The following KLB variants were observed in gnomAD, a reference collection of about 807,000 sequenced individuals.
KLB encodes the protein beta-klotho.
A neutral mutation model predicts 88.4 loss-of-function variants in KLB; 44 were observed. The ratio of observed to expected loss-of-function variants is 0.50; its 90% CI spans 0.39 to 0.64. The LOEUF (loss-of-function observed/expected upper bound fraction) is 0.64. Among genes scored for constraint, KLB ranks in the 30% least tolerant of loss-of-function variants. The pLI is 0.00. For missense variants in KLB, 1,137 were observed against 1,304.8 expected (o/e 0.87, Z 1.98); for synonymous variants, 548 against 513.4 (o/e 1.07, Z -0.91).
rs865882476 is a variant in KLB, at chr4:39,446,565, C to T, written c.1839C>T (p.Ser613=). 2 of 1,614,194 alleles carry T rather than the reference C, an allele frequency of 1.2e-6. No homozygotes were observed. Among genetic ancestry groups the T allele is most frequent in the Middle Eastern group, 1.6e-4 (1 of 6,062 alleles). Residue 613 remains serine (S), a synonymous_variant, in exon 4 of 5, where the codon TCC becomes TCT. Coordinates refer to ENST00000257408, the MANE Select transcript of KLB (RefSeq NM_175737.4). This position sits in a 1 kb window ranked among gnomAD's most constrained non-coding sequence, Gnocchi z 6.4. ...CGGTCCTTCCCACTGGCAACCTGTCCGCGGTGAACCGACAGGCCCTGAGGT... is the reference window on the plus strand; with the variant it reads ...CGGTCCTTCCCACTGGCAACCTGTCTGCGGTGAACCGACAGGCCCTGAGGT... ...WASVLPTGNL[S]AVNRQALRYY... is the part of the protein sequence containing the mutation.
rs571896802 is a variant in KLB, at chr4:39,451,106, T to C, written c.*2420T>C. The C allele has an allele frequency of 1.3e-5, 2 of 152,320 alleles. No individual in the cohort carries two copies. The highest frequency in any genetic ancestry group is 1.9e-4 in the East Asian group (1 of 5,192). 9.4% of individuals were successfully genotyped at this position (152,320 alleles called of 1,614,324 possible). ...CCCAGTACTGAGAGTCCTCCTTCTCTGCCACTTGGGCATTATTTTACTAGT... is the reference window on the plus strand; with the variant it reads ...CCCAGTACTGAGAGTCCTCCTTCTCCGCCACTTGGGCATTATTTTACTAGT... On this transcript the variant is annotated 3_prime_UTR_variant, in exon 5 of 5. Transcript: ENST00000257408.
intron 1 of KLB, among the ~76,000 whole-genome samples, chr4:39,432,496 TAACTC>T (rs1470379813): frequency 6.6e-6 from 1 of 152,208 alleles, no homozygotes; most frequent in Admixed American, 6.5e-5. Flanking sequence ...CTGTGACTGT[TAACTC>T]AGCCATGGCT....
At chr4:39,445,573 C>T (rs1189399843) in intron 3 of KLB, among the ~76,000 whole-genome samples, 3 of 146,094 alleles carry the variant, frequency 2.1e-5, no homozygotes, top group Admixed American at 7.1e-5. Context: ...GGCATGATCT[C>T]GGCTCACTGC....
intron 1 of KLB, among the ~76,000 whole-genome samples, chr4:39,432,967 CT>C (rs148328171): frequency 0.16 from 24,629 of 151,728 alleles, 2,351 homozygotes; most frequent in Non-Finnish European, 0.22. Flanking sequence ...CAACCTCTGC[CT>C]TCCCGGGTTC....
Position 39,439,712 on chromosome 4 carries a change from G to T in KLB, c.1605+1717G>T, listed in dbSNP as rs557318899. On this transcript the variant is annotated intron_variant, in intron 3 of 4. Transcript: ENST00000257408. ...CTTTATTCTTGTTGCTCATCGCCCA[G>T]GCTGGAGTGCAATGGTGCAATCTTG... 4.6e-5 allele frequency among the ~76,000 whole-genome samples: 7 copies of T among 151,108 alleles called. No individual in the cohort carries two copies. The East Asian group carries it at 1.2e-3, about 25-fold the overall frequency.
chr4:39,443,520 G>A (rs951157756), intron 3 of KLB, among the ~76,000 whole-genome samples: 3 of 150,024 alleles, frequency 2.0e-5, no homozygotes, highest in African/African-American at 7.4e-5. Flanking sequence ...CGAGGCGGGC[G>A]TATCACTTGA....
intron 1 of KLB, among the ~76,000 whole-genome samples, chr4:39,409,872 C>T (rs1742802698): frequency 6.6e-6 from 1 of 151,834 alleles, no homozygotes; most frequent in African/African-American, 2.4e-5. Flanking sequence ...TACAGTGAGC[C>T]GAGATCACGC....
chr4:39,449,121 T>G lies in KLB; in HGVS notation c.*435T>G. The G allele has an allele frequency of 6.4e-6, 1 of 155,336 alleles. No individual in the cohort carries two copies. The highest frequency in any genetic ancestry group is 1.4e-5 in the Non-Finnish European group (1 of 70,136). The allele number at this position is 155,336 out of a possible 1,614,324, so 9.6% of individuals were successfully genotyped here. A position where few individuals can be genotyped will look rare whatever the true frequency, so the allele number is the denominator to read the frequency against. ...GGGGAGATCACCTGAGGTGAGGAGT[T>G]CGAGACCAGCCTGGCCAACATGGTG... On this transcript the variant is annotated 3_prime_UTR_variant, in exon 5 of 5. Coordinates refer to ENST00000257408, the MANE Select transcript of KLB (RefSeq NM_175737.4).
chr4:39,447,036 C>G lies in KLB; in HGVS notation c.2310C>G (p.Ala770=). The change falls in exon 4 of 5, where the codon GCC becomes GCG. Residue 770 remains alanine (A), a synonymous_variant. Transcript: ENST00000257408. ...AGCGCTTCCTGCAGTTCGAGATCGC[C>G]TGGTTCGCCGAGCCGCTCTTCAAGA... ...AAERFLQFEI[A]WFAEPLFKTG... 2 of 1,612,012 alleles carry G rather than the reference C, an allele frequency of 1.2e-6. No homozygotes were observed. Among genetic ancestry groups the G allele is most frequent in the Non-Finnish European group, 1.7e-6 (2 of 1,179,968 alleles).
chr4:39,414,940 T>G (rs1351706577), intron 1 of KLB, among the ~76,000 whole-genome samples: 1 of 151,766 alleles, frequency 6.6e-6, no homozygotes, highest in African/African-American at 2.4e-5. Context: ...CGTTTATCCA[T>G]TTTTGATGCT....
In KLB at chr4:39,437,742, A is replaced by G. The variant is rs368892974; in HGVS notation, c.1352A>G (p.Glu451Gly). 5.0e-6 allele frequency: 8 copies of G among 1,611,916 alleles called. No individual in the cohort carries two copies. Among genetic ancestry groups the G allele is most frequent in the South Asian group, 1.1e-5 (1 of 90,996 alleles). Reference protein sequence around the residue: ...SQVLQAIRLDEIRVFGYTAWS... With the variant: ...SQVLQAIRLDGIRVFGYTAWS... ...CTCTGTGCAGCAATAAGGTTAGATGAAATACGAGTGTTTGGTTATACTGCC... is the reference window on the plus strand; with the variant it reads ...CTCTGTGCAGCAATAAGGTTAGATGGAATACGAGTGTTTGGTTATACTGCC... The change falls in exon 3 of 5, where the codon GAA (glutamate) becomes GGA (glycine). Residue 451 changes from glutamate to glycine, a missense_variant. Coordinates refer to ENST00000257408, the MANE Select transcript of KLB (RefSeq NM_175737.4).
At position 39,447,351 on chromosome 4, in the gene KLB, G is replaced by A; in HGVS notation, c.2625G>A (p.Trp875Ter). The change falls in exon 4 of 5, where the codon TGG becomes TGA. Residue 875 changes from tryptophan (W) to a stop codon, truncating the protein, a stop_gained. Coordinates refer to ENST00000257408, the MANE Select transcript of KLB (RefSeq NM_175737.4). LOFTEE classifies it high-confidence loss of function. Reference protein sequence around the residue: ...IPWGVRKLLRWVRRNYGDMDI... With the variant: ...IPWGVRKLLR ...GGGGGGTGCGCAAGCTGCTGCGGTGGGTCCGGAGGAACTACGGCGACATGG... is the reference window on the plus strand; with the variant it reads ...GGGGGGTGCGCAAGCTGCTGCGGTGAGTCCGGAGGAACTACGGCGACATGG... The A allele has an allele frequency of 6.2e-7, 1 of 1,614,070 alleles. No individual in the cohort carries two copies. Among genetic ancestry groups the A allele is most frequent in the Non-Finnish European group, 8.5e-7 (1 of 1,180,038 alleles).
intron 1 of KLB, among the ~76,000 whole-genome samples, chr4:39,413,625 G>A (rs1742906859): frequency 6.6e-6 from 1 of 151,972 alleles, no homozygotes; most frequent in Admixed American, 6.6e-5. Flanking sequence ...TTGGGAGGAT[G>A]AGGTGGGAAG....
At chr4:39,417,161 A>G (rs563208485) in intron 1 of KLB, among the ~76,000 whole-genome samples, 1 of 152,264 alleles carries the variant, frequency 6.6e-6, no homozygotes, top group Admixed American at 6.5e-5. Context: ...TATCATAATT[A>G]ATTTGTGCTA....
chr4:39,429,803 G>C (rs994439873), intron 1 of KLB, among the ~76,000 whole-genome samples: 3 of 152,116 alleles, frequency 2.0e-5, no homozygotes, highest in Non-Finnish European at 4.4e-5. Flanking sequence ...CACGATCTTG[G>C]AGCAAAATTT....
intron 2 of KLB, among the ~76,000 whole-genome samples, chr4:39,435,436 A>G (rs1743453850): frequency 1.4e-5 from 2 of 140,578 alleles, no homozygotes; most frequent in African/African-American, 5.4e-5. Flanking sequence ...TTTTTTCTTT[A>G]CTTTTTGAAA....
In KLB at chr4:39,434,236, C is replaced by CA; in HGVS notation, c.854dup (p.Asn285LysfsTer73). Reference sequence around the variant, plus strand: ...CTCACTCGAAAGTTTGGCATAACTACAACACACATTTCCGCCCACATCAGA... The same window carrying CA: ...CTCACTCGAAAGTTTGGCATAACTACAAACACACATTTCCGCCCACATCAGA... On this transcript the variant is annotated frameshift_variant, in exon 2 of 5. Coordinates refer to ENST00000257408, the MANE Select transcript of KLB (RefSeq NM_175737.4). LOFTEE classifies it high-confidence loss of function. 1.9e-6 allele frequency: 3 copies of CA among 1,611,614 alleles called. No individual in the cohort carries two copies. The highest frequency in any genetic ancestry group is 2.5e-6 in the Non-Finnish European group (3 of 1,178,752).
intron 4 of KLB, among the ~76,000 whole-genome samples, chr4:39,447,834 T>A (rs1189481245): frequency 2.0e-5 from 3 of 152,194 alleles, no homozygotes; most frequent in African/African-American, 7.2e-5. Flanking sequence ...ATGGGATGCA[T>A]GAAATGTTTC....
Position 39,448,369 on chromosome 4 carries a change from C to T in KLB, c.2818C>T (p.Pro940Ser). ...CAAACTGGCTGAAGAGAAATCTAAACCCAGATTTGGATTCTTCACATCTGA... is the reference window on the plus strand; with the variant it reads ...CAAACTGGCTGAAGAGAAATCTAAATCCAGATTTGGATTCTTCACATCTGA... ...AFKLAEEKSK[P>S]RFGFFTSDFK... Residue 940 changes from proline to serine, a missense_variant, in exon 5 of 5, where the codon CCC (proline) becomes TCC (serine). Physicochemically the swap from Pro to Ser is moderately conservative, Grantham distance 74. Around this residue, in one of 4 missense-constraint regions of KLB, gnomAD observed 426 missense variants for 404.6 expected, o/e 1.05. Transcript: ENST00000257408. The T allele has an allele frequency of 6.2e-7, 1 of 1,611,898 alleles. No homozygotes were observed. Among genetic ancestry groups the T allele is most frequent in the Non-Finnish European group, 8.5e-7 (1 of 1,178,016 alleles).
Sources: allele counts gnomAD v4.1 joint callset (sites outside exome capture counted in the v4.1 genomes callset), GRCh38; gene constraint gnomAD v4.1.1; regional missense constraint gnomAD v4.1.1; non-coding constraint Gnocchi (gnomAD v3.1); transcripts MANE v1.5; gene names NCBI Gene and HGNC (gene_info 2026-07-23, HGNC 2026-07-21).